The following DHRS4L2 variants were observed in gnomAD, a reference collection of about 807,000 sequenced individuals.
DHRS4L2 encodes the protein dehydrogenase/reductase SDR family member 4-like 2.
Under a neutral mutation model 23.9 loss-of-function variants are expected in DHRS4L2, and 22 were observed. The observed-to-expected ratio is 0.92, with a 90% CI of 0.66 to 1.31. The LOEUF (loss-of-function observed/expected upper bound fraction) is 1.31, where lower values mean the gene tolerates loss of function less well. DHRS4L2 is among the 40% of genes most tolerant of loss of function. The pLI is 0.00. For missense variants in DHRS4L2, 385 were observed against 303.3 expected, an observed-to-expected ratio of 1.27 and a Z score of -2.00; for synonymous variants, 141 against 123.7, an observed-to-expected ratio of 1.14 and a Z score of -0.93.
exon 1 of DHRS4L2, chr14:23,970,264 C>T (rs1026690831): frequency 4.2e-5 from 19 of 451,500 alleles, no homozygotes; most frequent in African/African-American, 3.7e-4. Flanking sequence ...GACTCTAAGG[C>T]AGCCCCTGCA....
intron 2 of DHRS4L2, among the ~76,000 whole-genome samples, 191 bp from the exon 3 acceptor site, chr14:23,994,841 G>T (rs1266649785): frequency 1.3e-5 from 2 of 151,620 alleles, no homozygotes; most frequent in Non-Finnish European, 2.9e-5. Context: ...TAAAGATAAG[G>T]TCTCGCTGCA....
chr14:23,973,726 T>C (rs2033912798), intron 1 of DHRS4L2, among the ~76,000 whole-genome samples: 1 of 151,558 alleles, frequency 6.6e-6, no homozygotes, highest in Non-Finnish European at 1.5e-5. Flanking sequence ...ATGCACCCAA[T>C]ACAGGAGAAC....
chr14:23,994,005 G>C lies in DHRS4L2; in HGVS notation c.307-1027G>C, dbSNP rs746439788. On this transcript the variant is annotated intron_variant, in intron 2 of 7. Transcript: ENST00000335125. ...AGAATAAGCAGGCCTCCTGTTCTTA[G>C]CTAGCCCCAGTGTGCCACTACTGAA... 8.2e-4 allele frequency among the ~76,000 whole-genome samples: 124 copies of C among 151,704 alleles called. 4 individuals carry two copies. The Middle Eastern group carries it at 0.01, about 12-fold the overall frequency.
At chr14:23,988,139 C>T (rs2034187142), upstream of DHRS4L2, among the ~76,000 whole-genome samples, 1 of 150,934 alleles carries the variant, frequency 6.6e-6, no homozygotes, top group African/African-American at 2.4e-5. Context: ...ATTTTGCATT[C>T]AACAAATATT....
intron 2 of DHRS4L2, 66 bp downstream of exon 2, chr14:23,990,425 C>T: frequency 6.6e-7 from 1 of 1,526,344 alleles, no homozygotes; most frequent in Non-Finnish European, 8.8e-7. Context: ...AGCCTCCTTC[C>T]CTGCTTTCCT....
At chr14:23,997,088 A>G (rs1040739626) in intron 3 of DHRS4L2, among the ~76,000 whole-genome samples, 6 of 148,882 alleles carry the variant, frequency 4.0e-5, no homozygotes, top group African/African-American at 7.3e-5. Flanking sequence ...ATATTATAAT[A>G]AAGTGAGTCA....
intron 1 of DHRS4L2, among the ~76,000 whole-genome samples, chr14:23,975,770 T>C (rs2033953823): frequency 6.6e-6 from 1 of 151,466 alleles, no homozygotes; most frequent in African/African-American, 2.4e-5. Context: ...TCAGAAATAA[T>C]GGAACAGAAC....
Position 24,001,175 on chromosome 14 carries a change from G to A in DHRS4L2, c.531+91G>A, listed in dbSNP as rs941711586. The A allele has an allele frequency of 1.5e-5, 24 of 1,605,206 alleles. 2 individuals carry two copies. The highest frequency in any genetic ancestry group is 2.0e-5 in the Non-Finnish European group (24 of 1,176,336). ...TACCCAAAGAAGTTTGTGTCCCCTTGTAGAATCACACCACCAAGTCCCTGC... is the reference window on the plus strand; with the variant it reads ...TACCCAAAGAAGTTTGTGTCCCCTTATAGAATCACACCACCAAGTCCCTGC... On this transcript the variant is annotated intron_variant, in intron 5 of 7. Coordinates refer to ENST00000335125, the MANE Select transcript of DHRS4L2 (RefSeq NM_198083.4).
At chr14:23,981,057 G>A (rs1467444310) in intron 1 of DHRS4L2, among the ~76,000 whole-genome samples, 4 of 151,666 alleles carry the variant, frequency 2.6e-5, no homozygotes, top group South Asian at 2.1e-4. Context: ...TTTAGAAAAC[G>A]CCATCATCTC....
upstream of DHRS4L2, among the ~76,000 whole-genome samples, chr14:23,988,166 A>C (rs1196922477): frequency 6.6e-6 from 1 of 150,794 alleles, no homozygotes; most frequent in Admixed American, 6.6e-5. Context: ...ACTAGGATGG[A>C]GGCTAAGACC....
chr14:23,999,367 A>AAAAAAAAAAAAAC (rs1555330042), intron 3 of DHRS4L2, among the ~76,000 whole-genome samples: 1 of 116,774 alleles, frequency 8.6e-6, no homozygotes, highest in Admixed American at 9.6e-5. Flanking sequence ...AAAAAAAAAA[A>AAAAAAAAAAAAAC]AAAAAAACAA....
intron 2 of DHRS4L2, among the ~76,000 whole-genome samples, chr14:23,994,578 C>T (rs1053308996): frequency 1.3e-5 from 2 of 151,470 alleles, no homozygotes; most frequent in South Asian, 2.1e-4. Context: ...CTCTCAACTA[C>T]TTGGGGGGCT....
chr14:23,977,526 G>GA (rs748705282), intron 1 of DHRS4L2, among the ~76,000 whole-genome samples: 1 of 148,940 alleles, frequency 6.7e-6, no homozygotes, highest in African/African-American at 2.6e-5. Flanking sequence ...ACTTTACGGG[G>GA]AAAAATTCAT....
intron 1 of DHRS4L2, among the ~76,000 whole-genome samples, chr14:23,975,588 T>G (rs1259470561): frequency 6.6e-6 from 1 of 151,608 alleles, no homozygotes; most frequent in Non-Finnish European, 1.5e-5. Context: ...TACTTTAAAT[T>G]TCATATGGAA....
upstream of DHRS4L2, among the ~76,000 whole-genome samples, chr14:23,985,322 C>T (rs2034120623): frequency 6.6e-6 from 1 of 151,672 alleles, no homozygotes; most frequent in African/African-American, 2.4e-5. Flanking sequence ...GCACTTAACA[C>T]TTGCCAGCAC....
Position 24,001,413 on chromosome 14 carries a change from A to C in DHRS4L2, c.561A>C (p.Thr187=). The C allele has an allele frequency of 6.2e-7, 1 of 1,607,994 alleles. No individual in the cohort carries two copies. Among genetic ancestry groups the C allele is most frequent in the Non-Finnish European group, 8.5e-7 (1 of 1,179,376 alleles). The change falls in exon 6 of 8, where the codon ACA becomes ACC. Residue 187 remains threonine, a synonymous_variant. Coordinates refer to ENST00000335125, the MANE Select transcript of DHRS4L2 (RefSeq NM_198083.4). ...PGFSPYNVSK[T]ALLGLNNTLA... ...TCAGTCCTTACAATGTCAGTAAAACAGCCTTGCTGGGCCTCAACAATACCC... is the reference window on the plus strand; with the variant it reads ...TCAGTCCTTACAATGTCAGTAAAACCGCCTTGCTGGGCCTCAACAATACCC...
chr14:23,983,776 C>A (rs1406655655), intron 1 of DHRS4L2, among the ~76,000 whole-genome samples: 1 of 151,508 alleles, frequency 6.6e-6, no homozygotes, highest in Non-Finnish European at 1.5e-5. Context: ...CAAACTAACA[C>A]AAAAACAGAA....
intron 2 of DHRS4L2, among the ~76,000 whole-genome samples, chr14:23,992,631 C>T (rs1029061338): frequency 3.3e-5 from 5 of 151,462 alleles, no homozygotes; most frequent in East Asian, 1.9e-4. Context: ...GAACAAACAG[C>T]TCCTAACCGC....
chr14:23,979,100 A>G, intron 1 of DHRS4L2, among the ~76,000 whole-genome samples: 1 of 145,520 alleles, frequency 6.9e-6, no homozygotes, highest in East Asian at 2.3e-4. Flanking sequence ...GGATGGAGGA[A>G]TATTTACCAA....
Sources: allele counts gnomAD v4.1 joint callset (sites outside exome capture counted in the v4.1 genomes callset), GRCh38; gene constraint gnomAD v4.1.1; transcripts MANE v1.5; gene names NCBI Gene and HGNC (gene_info 2026-07-23, HGNC 2026-07-21).